Variants in ANKS1B observed in about 807,000 individuals in gnomAD.
ANKS1B encodes the protein ankyrin repeat and sterile alpha motif domain-containing protein 1B.
ANKS1B carries 36 observed loss-of-function variants against 148.3 expected under a neutral mutation model. The ratio of observed to expected loss-of-function variants is 0.24; its 90% confidence interval spans 0.19 to 0.32. ANKS1B has a LOEUF of 0.32. ANKS1B is among the 10% of genes least tolerant of loss of function. The probability of loss-of-function intolerance (pLI) is 1.00; values close to 1 mark genes in which losing one functional copy is unlikely to be tolerated. For synonymous variants in ANKS1B, 542 were observed against 560.8 expected (o/e 0.97, Z 0.47); for missense variants, 1,157 against 1,542.6 (o/e 0.75, Z 4.19).
intron 9 of ANKS1B, among the ~76,000 whole-genome samples, chr12:99,651,126 G>A (rs1270252491): frequency 1.3e-5 from 2 of 151,934 alleles, no homozygotes; most frequent in East Asian, 3.8e-4. Flanking sequence ...GATCCCAAAG[G>A]CCCCTGTATA....
At chr12:98,899,602 A>G (rs2099769354) in intron 17 of ANKS1B, among the ~76,000 whole-genome samples, 1 of 152,190 alleles carries the variant, frequency 6.6e-6, no homozygotes, top group African/African-American at 2.4e-5. Context: ...GCTCATCCAC[A>G]AGAGTTTTCA....
rs77432380 is a variant in ANKS1B at position 99,579,890 on chromosome 12, A to G, written c.1272+75177T>C. Among the ~76,000 whole-genome samples, 1,344 of 152,258 alleles carry G rather than the reference A, an allele frequency of 8.8e-3. 16 individuals carry two copies. The highest frequency in any genetic ancestry group is 0.031 in the African/African-American group (1,277 of 41,530). On this transcript the variant is annotated intron_variant, in intron 9 of 26. Coordinates refer to ENST00000683438, the MANE Select transcript of ANKS1B (RefSeq NM_001352186.2). ...AAATAAATCGTTCCACCAAAAAAAA[A>G]TGTACACTCATATGTTCATTGCAGC...
chr12:99,474,793 C>T (rs978694014), intron 10 of ANKS1B, among the ~76,000 whole-genome samples: 8 of 151,958 alleles, frequency 5.3e-5, no homozygotes, highest in Non-Finnish European at 1.0e-4. Context: ...GACTCAAATG[C>T]CTTCCATTGC....
At chr12:98,869,395 G>C (rs1345348045) in intron 17 of ANKS1B, among the ~76,000 whole-genome samples, 1 of 152,006 alleles carries the variant, frequency 6.6e-6, no homozygotes, top group African/African-American at 2.4e-5. Flanking sequence ...AAGTCTTTTG[G>C]GGAGTTCAAG....
At chr12:99,046,873 T>C (rs1326701867) in intron 17 of ANKS1B, among the ~76,000 whole-genome samples, 3 of 149,332 alleles carry the variant, frequency 2.0e-5, no homozygotes, top group East Asian at 2.0e-4. Context: ...AAAACTATAA[T>C]GTCCGAGATA....
chr12:98,777,106 T>C (rs1459602338), intron 24 of ANKS1B, among the ~76,000 whole-genome samples: 1 of 152,084 alleles, frequency 6.6e-6, no homozygotes, highest in Non-Finnish European at 1.5e-5. Context: ...GGTTGGGGGA[T>C]CACTTGAGCC....
chr12:99,196,697 A>T (rs2081424949), intron 14 of ANKS1B, among the ~76,000 whole-genome samples: 1 of 151,894 alleles, frequency 6.6e-6, no homozygotes, highest in African/African-American at 2.4e-5. Flanking sequence ...ATATGTATAC[A>T]TGTGCCATGC....
At chr12:99,319,269 G>T (rs551044294) in intron 12 of ANKS1B, among the ~76,000 whole-genome samples, 2 of 152,244 alleles carry the variant, frequency 1.3e-5, no homozygotes, top group Admixed American at 6.5e-5. Context: ...TGTTGACAGT[G>T]GGGGGTTGTC....
intron 10 of ANKS1B, among the ~76,000 whole-genome samples, chr12:99,469,341 A>T (rs1215227616): frequency 2.0e-5 from 3 of 151,338 alleles, no homozygotes; most frequent in Non-Finnish European, 4.4e-5. Flanking sequence ...CCTAATGCCA[A>T]ATGACGAGTT....
chr12:98,781,087 G>A (rs371605707), intron 24 of ANKS1B, 30 bp downstream of exon 24: 13 of 1,376,646 alleles, frequency 9.4e-6, no homozygotes, highest in South Asian at 7.6e-5. Context: ...TGCATCTGGT[G>A]TCTAAACCAG....
chr12:98,907,788 C>T (rs907032199), intron 17 of ANKS1B, among the ~76,000 whole-genome samples: 2 of 152,130 alleles, frequency 1.3e-5, no homozygotes, highest in Non-Finnish European at 2.9e-5. Context: ...AAACTGTTTA[C>T]CCCATACTGT....
Position 99,402,611 on chromosome 12 carries a change from G to C in ANKS1B, c.1576-2800C>G, listed in dbSNP as rs1163756162. Among the ~76,000 whole-genome samples the C allele has an allele frequency of 1.4e-5, 2 of 145,766 alleles. 1 individual carries two copies. The highest frequency in any genetic ancestry group is 3.0e-5 in the Non-Finnish European group (2 of 66,102). On this transcript the variant is annotated intron_variant, in intron 11 of 26. Transcript: ENST00000683438. ...CTGCATTAGTTCACTCAGGATAACA[G>C]CCTCCAGCTCCATCCATGTCCCTGC...
chr12:99,612,002 A>C (rs960147012), intron 9 of ANKS1B, among the ~76,000 whole-genome samples: 5 of 152,060 alleles, frequency 3.3e-5, no homozygotes, highest in African/African-American at 1.2e-4. Flanking sequence ...TGCCCAGAAT[A>C]TATTATACAT....
In ANKS1B at chr12:98,895,168, G is replaced by A. The variant is rs963355883; in HGVS notation, c.2779-63032C>T. 2.6e-5 allele frequency: 26 copies of A among 984,980 alleles called. No homozygotes were observed. The South Asian group carries it at 9.4e-4, about 36-fold the overall frequency. 61.0% of individuals were successfully genotyped at this position (984,980 alleles called of 1,614,324 possible). Reference sequence around the variant, plus strand: ...GACCCTCACTGCGAGAGCGATGCGGGCCCAGGCGCGGCGCGCGGGGGCTGC... The same window carrying A: ...GACCCTCACTGCGAGAGCGATGCGGACCCAGGCGCGGCGCGCGGGGGCTGC... On this transcript the variant is annotated intron_variant, in intron 17 of 26. Coordinates refer to ENST00000683438, the MANE Select transcript of ANKS1B (RefSeq NM_001352186.2).
chr12:99,829,696 G>A (rs559343359), intron 1 of ANKS1B, among the ~76,000 whole-genome samples: 8 of 150,938 alleles, frequency 5.3e-5, no homozygotes, highest in East Asian at 3.9e-4. Context: ...CAAGCGTGGT[G>A]GTGCATGCCT....
chr12:99,428,740 G>T (rs143527848), intron 11 of ANKS1B, among the ~76,000 whole-genome samples: 78 of 152,182 alleles, frequency 5.1e-4, no homozygotes, highest in Admixed American at 9.8e-4. Context: ...CATCCCAGTA[G>T]CAATTAATAT....
At chr12:99,613,064 CCT>C (rs2097915690) in intron 9 of ANKS1B, among the ~76,000 whole-genome samples, 1 of 152,064 alleles carries the variant, frequency 6.6e-6, no homozygotes, top group Admixed American at 6.6e-5. Flanking sequence ...CTGGGAGAAA[CCT>C]CTTTGTAGCA....
chr12:99,098,046 T>C (rs894449858), intron 15 of ANKS1B, among the ~76,000 whole-genome samples: 2 of 152,200 alleles, frequency 1.3e-5, no homozygotes, highest in African/African-American at 4.8e-5. Context: ...ACAATAACAA[T>C]AACGGCTATT....
intron 9 of ANKS1B, among the ~76,000 whole-genome samples, chr12:99,531,697 TC>T (rs2096993339): frequency 1.3e-5 from 2 of 152,310 alleles, no homozygotes; most frequent in African/African-American, 2.4e-5. Context: ...TCTAATAACT[TC>T]CTTTTCTTTG....
Sources: gnomAD v4.1 joint callset for allele counts (sites outside exome capture counted in the v4.1 genomes callset) on GRCh38, gnomAD v4.1.1 for gene constraint, MANE v1.5 for transcripts, NCBI Gene and HGNC (gene_info 2026-07-23, HGNC 2026-07-21) for gene names.